FAP: variants seen among roughly 807,000 people sequenced by gnomAD.
FAP encodes the protein prolyl endopeptidase FAP.
Under a neutral mutation model 126.5 loss-of-function variants are expected in FAP, and 110 were observed. The observed-to-expected ratio is 0.87, with a 90% CI of 0.74 to 1.02. The LOEUF is 1.02. Ranked by LOEUF, FAP falls within the 50% of genes least tolerant of loss-of-function variation. FAP has a pLI of 0.00. For missense variants in FAP, 919 were observed against 909.2 expected, an observed-to-expected ratio of 1.01 and a Z score of -0.14; for synonymous variants, 334 against 297.3, an observed-to-expected ratio of 1.12 and a Z score of -1.27.
intron 16 of FAP, chr2:162,198,266 G>T: frequency 7.8e-7 from 1 of 1,289,886 alleles, no homozygotes; most frequent in African/African-American, 1.5e-5. Flanking sequence ...TCCGACGTGG[G>T]CATCTCGGGT....
chr2:162,233,360 A>AC (rs1689977679), intron 2 of FAP, among the ~76,000 whole-genome samples: 1 of 151,322 alleles, frequency 6.6e-6, no homozygotes, highest in African/African-American at 2.4e-5. Flanking sequence ...TTTCTACTGC[A>AC]CCCCCAGGGA....
chr2:162,207,702 T>G (rs1004467120), intron 12 of FAP, among the ~76,000 whole-genome samples: 2 of 150,270 alleles, frequency 1.3e-5, no homozygotes, highest in Non-Finnish European at 2.9e-5. Context: ...CATATGTGCC[T>G]CCACTGAGGG....
chr2:162,211,101 G>T (rs1330708472), intron 11 of FAP, among the ~76,000 whole-genome samples: 25 of 152,128 alleles, frequency 1.6e-4, no homozygotes, highest in Admixed American at 1.4e-3. Context: ...CTAGTCAATG[G>T]TGTGTGAACA....
chr2:162,185,558 C>T (rs370415402), intron 20 of FAP, among the ~76,000 whole-genome samples: 13 of 152,224 alleles, frequency 8.5e-5, no homozygotes, highest in Admixed American at 4.6e-4. Context: ...TCTCTTCTGA[C>T]GCATTTTCTT....
intron 15 of FAP, 152 bp downstream of exon 15, chr2:162,200,414 T>TTATACTGATGCAG: frequency 1.8e-6 from 1 of 567,092 alleles, no homozygotes; most frequent in African/African-American, 2.0e-5. Context: ...TGTGTGTTTT[T>TTATACTGATGCAG]TATACCCATT....
rs1056096789 is a variant in FAP at position 162,183,533 on chromosome 2, C to T, written c.1815-65G>A. 4.8e-5 allele frequency: 44 copies of T among 909,792 alleles called. 1 individual carries two copies. Among genetic ancestry groups the T allele is most frequent in the Non-Finnish European group, 7.0e-5 (39 of 560,894 alleles). The allele number at this position is 909,792 out of a possible 1,614,324, so 56.4% of individuals were successfully genotyped here. A position where few individuals can be genotyped will look rare whatever the true frequency, so the allele number is the denominator to read the frequency against. On this transcript the variant is annotated intron_variant, in intron 20 of 25. Transcript: ENST00000188790. ...TACACATGACATTTACTTCATTACA[C>T]AACCATATTTAATCCAAAGATTTAA...
chr2:162,173,651 T>C, intron 23 of FAP, 72 bp downstream of exon 23: 1 of 1,047,104 alleles, frequency 9.6e-7, no homozygotes, highest in Non-Finnish European at 1.5e-6. Flanking sequence ...CTGTAAATTC[T>C]GAACTACTGC....
chr2:162,227,993 A>G (rs1402322042), intron 2 of FAP, among the ~76,000 whole-genome samples: 1 of 152,060 alleles, frequency 6.6e-6, no homozygotes, highest in Non-Finnish European at 1.5e-5. Flanking sequence ...AATCGTGTGT[A>G]TATTTGAGTG....
intron 24 of FAP, 80 bp downstream of exon 24, chr2:162,173,069 T>C (rs771227302): frequency 4.8e-5 from 64 of 1,331,340 alleles, no homozygotes; most frequent in Non-Finnish European, 6.8e-5. Context: ...AGCATAGGCA[T>C]AGGAGGATGC....
At chr2:162,189,573 T>C in intron 18 of FAP, 83 bp downstream of exon 18, 2 of 728,714 alleles carry the variant, frequency 2.7e-6, no homozygotes, top group Non-Finnish European at 4.7e-6. Context: ...ATTTGCACTG[T>C]AACATTCACT....
intron 22 of FAP, 84 bp from the exon 23 acceptor site, chr2:162,173,871 G>C: frequency 1.1e-6 from 1 of 932,414 alleles, no homozygotes; most frequent in Non-Finnish European, 1.7e-6. Flanking sequence ...TTTAATAACT[G>C]TTTCTCAATT....
chr2:162,198,029 C>T (rs1688326158), intron 16 of FAP: 1 of 561,348 alleles, frequency 1.8e-6, no homozygotes. Flanking sequence ...TATTGTTTGC[C>T]ACATGCTCAA....
intron 24 of FAP, 100 bp from the exon 25 acceptor site, chr2:162,172,984 T>C: frequency 1.8e-6 from 2 of 1,126,310 alleles, no homozygotes; most frequent in South Asian, 1.2e-5. Context: ...TATCTAGTCA[T>C]GCATTTGACA....
intron 11 of FAP, among the ~76,000 whole-genome samples, chr2:162,210,941 G>C (rs1035557381): frequency 2.6e-5 from 4 of 152,160 alleles, no homozygotes; most frequent in African/African-American, 9.7e-5. Flanking sequence ...AAAAGCTCTG[G>C]TATAGATTAA....
intron 11 of FAP, among the ~76,000 whole-genome samples, chr2:162,210,529 T>G (rs1688888260): frequency 6.6e-6 from 1 of 152,164 alleles, no homozygotes; most frequent in Non-Finnish European, 1.5e-5. Context: ...CCAGACCTGC[T>G]TAGTCACCCA....
At chr2:162,205,967 A>C (rs1320529899) in intron 12 of FAP, among the ~76,000 whole-genome samples, 1 of 152,216 alleles carries the variant, frequency 6.6e-6, no homozygotes, top group Non-Finnish European at 1.5e-5. Flanking sequence ...GGACTTTTTA[A>C]AGGGCTTTGT....
intron 2 of FAP, among the ~76,000 whole-genome samples, chr2:162,239,263 C>T (rs1179455942): frequency 6.6e-6 from 1 of 151,924 alleles, no homozygotes. Flanking sequence ...TCTCAAACTC[C>T]TGGGCTCAAG....
intron 1 of FAP, 51 bp from the exon 2 acceptor site, chr2:162,243,043 AG>A: frequency 1.4e-6 from 2 of 1,414,678 alleles, no homozygotes; most frequent in Non-Finnish European, 2.0e-6. Context: ...GCTAAATAGT[AG>A]AAATGGCAAG....
intron 21 of FAP, among the ~76,000 whole-genome samples, chr2:162,180,089 G>T (rs1435586644): frequency 1.3e-5 from 2 of 151,988 alleles, no homozygotes; most frequent in African/African-American, 4.8e-5. Flanking sequence ...TTACAGGCAT[G>T]AGGCACCACT....
Sources: allele counts gnomAD v4.1 joint callset (sites outside exome capture counted in the v4.1 genomes callset), GRCh38; gene constraint gnomAD v4.1.1; transcripts MANE v1.5; gene names NCBI Gene and HGNC (gene_info 2026-07-23, HGNC 2026-07-21).